The following SNX29 variants were observed in gnomAD, a reference collection of about 807,000 sequenced individuals.
SNX29 encodes the protein sorting nexin-29.
SNX29 carries 78 observed loss-of-function variants against 102.1 expected under a neutral mutation model. The ratio of observed to expected loss-of-function variants is 0.76; its 90% confidence interval spans 0.64 to 0.92. The LOEUF is 0.92. Ranked by LOEUF, SNX29 falls within the 40% of genes least tolerant of loss-of-function variation. The pLI, the probability that SNX29 is intolerant of heterozygous loss-of-function variation, is 0.00. For synonymous variants in SNX29, 580 were observed against 414.5 expected, an observed-to-expected ratio of 1.40 and a Z score of -4.85; for missense variants, 1,280 against 1,061.7, an observed-to-expected ratio of 1.21 and a Z score of -2.86.
chr16:12,445,271 C>T (rs2151690012), intron 18 of SNX29, among the ~76,000 whole-genome samples: 1 of 152,282 alleles, frequency 6.6e-6, no homozygotes, highest in South Asian at 2.1e-4. Context: ...AGGACAGAGC[C>T]CGTATTATCC....
intron 5 of SNX29, among the ~76,000 whole-genome samples, chr16:12,044,497 C>G (rs1596678535): frequency 6.6e-6 from 1 of 152,178 alleles, no homozygotes; most frequent in East Asian, 1.9e-4. Context: ...GTGTACTGCT[C>G]ACGGTCAGAG....
intron 13 of SNX29, among the ~76,000 whole-genome samples, chr16:12,140,587 A>C (rs901685705): frequency 6.6e-6 from 1 of 152,014 alleles, no homozygotes; most frequent in East Asian, 1.9e-4. Context: ...GCTTCCACAG[A>C]GGGCTTGTGA....
At chr16:12,144,642 G>T (rs563540694) in intron 13 of SNX29, among the ~76,000 whole-genome samples, 1 of 152,254 alleles carries the variant, frequency 6.6e-6, no homozygotes, top group Non-Finnish European at 1.5e-5. Flanking sequence ...TGTGAGAAAA[G>T]AAATTTCTGT....
At chr16:12,526,603 C>T (rs2076789765) in intron 20 of SNX29, 1 of 532,846 alleles carries the variant, frequency 1.9e-6, no homozygotes, top group South Asian at 1.5e-5. Flanking sequence ...GAGGAGTTCT[C>T]ATCCTCTTAG....
At chr16:12,148,357 T>C (rs1213458327) in intron 13 of SNX29, among the ~76,000 whole-genome samples, 1 of 152,216 alleles carries the variant, frequency 6.6e-6, no homozygotes, top group Non-Finnish European at 1.5e-5. Context: ...TTTCTGGTAA[T>C]GTGAGCTAAG....
intron 13 of SNX29, among the ~76,000 whole-genome samples, chr16:12,187,179 A>G (rs1170353913): frequency 1.3e-5 from 2 of 152,196 alleles, no homozygotes; most frequent in East Asian, 1.9e-4. Flanking sequence ...GGCCTCCACC[A>G]TTCACAAGAT....
chr16:12,132,317 C>G (rs1485056038), intron 13 of SNX29, among the ~76,000 whole-genome samples: 1 of 152,110 alleles, frequency 6.6e-6, no homozygotes, highest in African/African-American at 2.4e-5. Flanking sequence ...CCAGGCTGGT[C>G]TTGAGCTCCT....
intron 11 of SNX29, among the ~76,000 whole-genome samples, chr16:12,091,039 GAAAGAAAA>G (rs2052511546): frequency 1.8e-5 from 2 of 111,180 alleles, no homozygotes; most frequent in African/African-American, 7.3e-5. Flanking sequence ...AAAAAAAAAA[GAAAGAAAA>G]AGAAAAAAGA....
intron 18 of SNX29, among the ~76,000 whole-genome samples, chr16:12,410,125 G>A (rs2084336477): frequency 6.6e-6 from 1 of 151,482 alleles, no homozygotes; most frequent in Non-Finnish European, 1.5e-5. Context: ...CTCCTGAGTA[G>A]CTGGGAGTAC....
In SNX29 at chr16:12,471,885, G is replaced by A. The variant is rs138065569; in HGVS notation, c.2038-5834G>A. Among the ~76,000 whole-genome samples the A allele has an allele frequency of 2.2e-3, 329 of 152,300 alleles. 2 individuals carry two copies. Among genetic ancestry groups the A allele is most frequent in the African/African-American group, 7.8e-3 (324 of 41,564 alleles). On this transcript the variant is annotated intron_variant, in intron 18 of 20. Transcript: ENST00000566228. ...CACAAGAATCCTTTCTCCCGCCCAA[G>A]GTCATGAAGACATTCTACCATGTTT... is the stretch of plus-strand genomic sequence containing the variant.
intron 18 of SNX29, among the ~76,000 whole-genome samples, chr16:12,410,230 G>A (rs2084343333): frequency 6.6e-6 from 1 of 152,082 alleles, no homozygotes; most frequent in Non-Finnish European, 1.5e-5. Flanking sequence ...TTCTGACCTC[G>A]TGATCCACCT....
chr16:12,067,039 G>A (rs567182244), intron 9 of SNX29, among the ~76,000 whole-genome samples: 1 of 150,866 alleles, frequency 6.6e-6, no homozygotes, highest in South Asian at 2.1e-4. Flanking sequence ...AAATAAGCAG[G>A]CCAGTCATGA....
At chr16:12,524,941 C>G in intron 20 of SNX29, 100 bp downstream of exon 20, 1 of 1,507,844 alleles carries the variant, frequency 6.6e-7, no homozygotes, top group Non-Finnish European at 8.9e-7. Flanking sequence ...CCGTGATGCC[C>G]TGATCGCCAT....
Position 12,451,602 on chromosome 16 carries a change from G to A in SNX29, c.2038-26117G>A, listed in dbSNP as rs182590089. 3.2e-4 allele frequency among the ~76,000 whole-genome samples: 49 copies of A among 152,332 alleles called. No homozygotes were observed. In the East Asian group the frequency reaches 9.3e-3, roughly 29 times the overall value. ...GATGGGGCCGGGTGCGGTGGCTCACGCCTGTAATCCCAGCACTTTGGGAGG... is the reference window on the plus strand; with the variant it reads ...GATGGGGCCGGGTGCGGTGGCTCACACCTGTAATCCCAGCACTTTGGGAGG... On this transcript the variant is annotated intron_variant, in intron 18 of 20. Coordinates refer to ENST00000566228, the MANE Select transcript of SNX29 (RefSeq NM_032167.5).
chr16:12,408,807 C>T (rs1054582223), intron 18 of SNX29, among the ~76,000 whole-genome samples: 1 of 152,064 alleles, frequency 6.6e-6, no homozygotes, highest in African/African-American at 2.4e-5. Context: ...GGGACAGGAA[C>T]AAAACTTCTA....
At chr16:12,386,032 C>T (rs1238627124) in intron 16 of SNX29, among the ~76,000 whole-genome samples, 7 of 152,222 alleles carry the variant, frequency 4.6e-5, no homozygotes, top group African/African-American at 1.7e-4. Flanking sequence ...GCGGCCTCAG[C>T]TGGCCAGGTG....
intron 7 of SNX29, among the ~76,000 whole-genome samples, chr16:12,049,333 CTTT>C (rs139469974): frequency 4.2e-5 from 6 of 144,544 alleles, no homozygotes; most frequent in African/African-American, 2.5e-5. Flanking sequence ...AATTTTTTAA[CTTT>C]TTTTTTTTTT....
At chr16:12,324,771 C>T (rs1056699473) in intron 15 of SNX29, among the ~76,000 whole-genome samples, 22 of 152,178 alleles carry the variant, frequency 1.4e-4, no homozygotes, top group African/African-American at 4.6e-4. Flanking sequence ...AGCTGACAAA[C>T]GGGCCTCCTG....
intron 20 of SNX29, chr16:12,545,621 G>A (rs1199809871): frequency 2.0e-5 from 3 of 152,118 alleles, no homozygotes; most frequent in Non-Finnish European, 4.4e-5. Flanking sequence ...GCAAGGGTCT[G>A]GCTCTTTTCT....
Sources: gnomAD v4.1 joint callset for allele counts (sites outside exome capture counted in the v4.1 genomes callset) on GRCh38, gnomAD v4.1.1 for gene constraint, MANE v1.5 for transcripts, NCBI Gene and HGNC (gene_info 2026-07-23, HGNC 2026-07-21) for gene names.